Variants in DDHD1 observed in about 807,000 individuals in gnomAD.
DDHD1 encodes DDHD domain containing 1.
In DDHD1, 49 loss-of-function variants were observed where a neutral mutation model predicts 96.4. That is an observed-to-expected ratio of 0.51 (90% CI 0.40 to 0.64). DDHD1 has a LOEUF of 0.64. Ranked by LOEUF, DDHD1 falls within the 30% of genes least tolerant of loss-of-function variation. DDHD1 has a pLI of 0.00. For synonymous variants in DDHD1, 442 were observed against 446.5 expected, an observed-to-expected ratio of 0.99 and a Z score of 0.13; for missense variants, 1,106 against 1,161.2, an observed-to-expected ratio of 0.95 and a Z score of 0.69.
intron 1 of DDHD1, among the ~76,000 whole-genome samples, chr14:53,109,342 G>A (rs757744340): frequency 3.3e-5 from 5 of 152,084 alleles, no homozygotes; most frequent in Admixed American, 2.0e-4. Flanking sequence ...ACCTGGCAAC[G>A]CTGAGGACTT....
chr14:53,074,842 C>T (rs1424541124), intron 4 of DDHD1, among the ~76,000 whole-genome samples: 1 of 152,082 alleles, frequency 6.6e-6, no homozygotes, highest in Non-Finnish European at 1.5e-5. Flanking sequence ...TGGAGCAAGT[C>T]TATTAGTGCA....
chr14:53,077,618 T>G (rs1476243603), intron 4 of DDHD1, among the ~76,000 whole-genome samples: 1 of 152,122 alleles, frequency 6.6e-6, no homozygotes, highest in African/African-American at 2.4e-5. Flanking sequence ...ATTTTAGGTC[T>G]GTGAATCTCT....
At chr14:53,124,933 C>A (rs141976148) in intron 1 of DDHD1, among the ~76,000 whole-genome samples, 31 of 152,196 alleles carry the variant, frequency 2.0e-4, no homozygotes, top group Admixed American at 5.2e-4. Flanking sequence ...TGCAGATGGT[C>A]ATCTTCTTGC....
chr14:53,141,259 G>A (rs1413299407), intron 1 of DDHD1, among the ~76,000 whole-genome samples: 2 of 152,182 alleles, frequency 1.3e-5, no homozygotes, highest in African/African-American at 4.8e-5. Context: ...GCCAGAAGAA[G>A]GTTAACTCCC....
In DDHD1 at chr14:53,051,879, G is replaced by A. The variant is rs759802126; in HGVS notation, c.2486C>T (p.Pro829Leu). 73 of 1,599,528 alleles carry A rather than the reference G, an allele frequency of 4.6e-5. No homozygotes were observed. Among genetic ancestry groups the A allele is most frequent in the Admixed American group, 8.6e-5 (5 of 58,232 alleles). ...ATCTTTATTCTGCATTACATTTTCCGGAAAAAGAAGTTGTGGGAGATTAAA... is the reference window on the plus strand; with the variant it reads ...ATCTTTATTCTGCATTACATTTTCCAGAAAAAGAAGTTGTGGGAGATTAAA... ...SFFNLPQLLF[P>L]ENVMQNKDNA... is the part of the protein sequence containing the mutation. Residue 829 changes from proline (P) to leucine (L), a missense_variant, in exon 12 of 13, where the codon CCG becomes CTG. Pro to Leu is a moderately conservative substitution (Grantham distance 98, BLOSUM62 -3). Transcript: ENST00000673822.
At chr14:53,127,604 A>AC (rs1432713930) in intron 1 of DDHD1, among the ~76,000 whole-genome samples, 2 of 152,258 alleles carry the variant, frequency 1.3e-5, no homozygotes, top group African/African-American at 4.8e-5. Context: ...GCCATTTGGT[A>AC]GAACTAAACA....
chr14:53,084,666 G>C (rs1182315743), intron 4 of DDHD1, among the ~76,000 whole-genome samples: 3 of 152,296 alleles, frequency 2.0e-5, no homozygotes, highest in South Asian at 4.2e-4. Context: ...TTCCAAGATG[G>C]TCAAATAGGA....
At position 53,045,590 on chromosome 14, in the gene DDHD1, G is replaced by A. The variant is rs1881953287; in HGVS notation, c.*1178C>T. On this transcript the variant is annotated 3_prime_UTR_variant, in exon 13 of 13. Transcript: ENST00000673822. The stretch of plus-strand genomic sequence containing the variant: ...GCACTTTAAATGTTTTGGTGCCTTG[G>A]TGTATTAACATGTAACATGAGAACA... 6.6e-6 allele frequency: 1 copy of A among 152,146 alleles called. No individual in the cohort carries two copies. Among genetic ancestry groups the A allele is most frequent in the Non-Finnish European group, 1.5e-5 (1 of 68,028 alleles). The allele number at this position is 152,146 out of a possible 1,614,324, so 9.4% of individuals were successfully genotyped here. A position where few individuals can be genotyped will look rare whatever the true frequency, so the allele number is the denominator to read the frequency against.
intron 1 of DDHD1, among the ~76,000 whole-genome samples, chr14:53,108,540 C>G (rs145013322): frequency 6.3e-4 from 96 of 152,256 alleles, no homozygotes; most frequent in African/African-American, 2.2e-3. Flanking sequence ...GGTGACAGAG[C>G]AAGACTCTGT....
chr14:53,108,592 T>C (rs1887875351), intron 1 of DDHD1, among the ~76,000 whole-genome samples: 1 of 152,178 alleles, frequency 6.6e-6, no homozygotes, highest in Non-Finnish European at 1.5e-5. Flanking sequence ...AATTTAAAAT[T>C]GCTTATTTCT....
intron 1 of DDHD1, among the ~76,000 whole-genome samples, chr14:53,138,573 A>C (rs1317434754): frequency 6.6e-6 from 1 of 152,254 alleles, no homozygotes; most frequent in Non-Finnish European, 1.5e-5. Flanking sequence ...AGGTTCTTCC[A>C]GTCTACAAGT....
chr14:53,128,477 G>A (rs564063102), intron 1 of DDHD1, among the ~76,000 whole-genome samples: 1 of 152,144 alleles, frequency 6.6e-6, no homozygotes, highest in South Asian at 2.1e-4. Flanking sequence ...AAGGAGCAGG[G>A]TGTTAATGCG....
chr14:53,096,323 A>C, intron 2 of DDHD1: 1 of 270,240 alleles, frequency 3.7e-6, no homozygotes, highest in Non-Finnish European at 5.7e-6. Context: ...GTATTTGAAA[A>C]ACATTATTCT....
At chr14:53,090,054 G>C (rs1411370341) in intron 4 of DDHD1, among the ~76,000 whole-genome samples, 1 of 152,190 alleles carries the variant, frequency 6.6e-6, no homozygotes, top group Non-Finnish European at 1.5e-5. Flanking sequence ...TCATCAAAAA[G>C]TAGGCAACGG....
chr14:53,050,517 A>G (rs192370889), intron 12 of DDHD1, among the ~76,000 whole-genome samples: 1 of 152,076 alleles, frequency 6.6e-6, no homozygotes, highest in African/African-American at 2.4e-5. Context: ...CCTTTATTGT[A>G]CCTATGTTTT....
At chr14:53,105,454 A>G (rs76314402) in intron 1 of DDHD1, among the ~76,000 whole-genome samples, 1,940 of 152,196 alleles carry the variant, frequency 0.013, 48 homozygotes, top group African/African-American at 0.045. Context: ...TGATTCTGGT[A>G]TATTTAGGTG....
rs551168338 is a variant in DDHD1 at position 53,136,319 on chromosome 14, A to G, written c.838+15942T>C. Among the ~76,000 whole-genome samples, 9 of 152,352 alleles carry G rather than the reference A, an allele frequency of 5.9e-5. No individual in the cohort carries two copies. The South Asian group carries it at 1.0e-3, about 18-fold the overall frequency. ...TTTGGTGGTCTCTTCACACGGACGCATGAGACAGTACAAGCTTAGTGCCAG... is the reference window on the plus strand; with the variant it reads ...TTTGGTGGTCTCTTCACACGGACGCGTGAGACAGTACAAGCTTAGTGCCAG... On this transcript the variant is annotated intron_variant, in intron 1 of 12. Coordinates refer to ENST00000673822, the MANE Select transcript of DDHD1 (RefSeq NM_001160148.2).
chr14:53,134,894 T>C (rs963159612), intron 1 of DDHD1, among the ~76,000 whole-genome samples: 1 of 152,186 alleles, frequency 6.6e-6, no homozygotes, highest in Non-Finnish European at 1.5e-5. Flanking sequence ...AATCATTCTA[T>C]ATAACAAATG....
intron 6 of DDHD1, among the ~76,000 whole-genome samples, chr14:53,072,219 C>T (rs1483188950): frequency 1.3e-5 from 2 of 152,054 alleles, no homozygotes; most frequent in Non-Finnish European, 2.9e-5. Flanking sequence ...GCTCCACTAC[C>T]ATTTGAAAAC....
Sources: gnomAD v4.1 joint callset for allele counts (sites outside exome capture counted in the v4.1 genomes callset) on GRCh38, gnomAD v4.1.1 for gene constraint, MANE v1.5 for transcripts, NCBI Gene and HGNC (gene_info 2026-07-23, HGNC 2026-07-21) for gene names.